The following CNTN5 variants were observed in gnomAD, a reference collection of about 807,000 sequenced individuals.
CNTN5 encodes contactin-5.
CNTN5 carries 77 observed loss-of-function variants against 129.1 expected under a neutral mutation model. The observed-to-expected ratio is 0.60, with a 90% CI of 0.50 to 0.72. The LOEUF (loss-of-function observed/expected upper bound fraction) is 0.72, where lower values mean the gene tolerates loss of function less well. CNTN5 is among the 30% of genes least tolerant of loss of function. The pLI, the probability that CNTN5 is intolerant of heterozygous loss-of-function variation, is 0.00. For missense variants in CNTN5, 1,478 were observed against 1,328.8 expected, an observed-to-expected ratio of 1.11 and a Z score of -1.75; for synonymous variants, 509 against 465.6, an observed-to-expected ratio of 1.09 and a Z score of -1.20.
At chr11:99,514,538 A>G (rs935033806) in intron 2 of CNTN5, among the ~76,000 whole-genome samples, 5 of 152,048 alleles carry the variant, frequency 3.3e-5, no homozygotes, top group African/African-American at 1.2e-4. Context: ...AGCCATCTCA[A>G]CCTTCAGAAC....
intron 3 of CNTN5, among the ~76,000 whole-genome samples, chr11:99,631,374 T>C (rs949110503): frequency 1.3e-5 from 2 of 152,088 alleles, no homozygotes; most frequent in Non-Finnish European, 2.9e-5. Flanking sequence ...ATTAGTAAAA[T>C]ACAGAGTGCA....
At chr11:99,694,287 T>C (rs1954165780) in intron 3 of CNTN5, among the ~76,000 whole-genome samples, 1 of 152,136 alleles carries the variant, frequency 6.6e-6, no homozygotes, top group Admixed American at 6.5e-5. Flanking sequence ...GAGTAGGCAT[T>C]GGAACTCAGC....
chr11:99,912,562 A>G (rs1202794951), intron 6 of CNTN5, among the ~76,000 whole-genome samples: 1 of 151,752 alleles, frequency 6.6e-6, no homozygotes, highest in Non-Finnish European at 1.5e-5. Flanking sequence ...ACATCTGATC[A>G]ATATGGCTCA....
At chr11:100,031,496 A>G (rs1591087466) in intron 9 of CNTN5, among the ~76,000 whole-genome samples, 1 of 152,180 alleles carries the variant, frequency 6.6e-6, no homozygotes, top group Non-Finnish European at 1.5e-5. Context: ...CCATACAGAT[A>G]AGATAGGGCT....
At chr11:100,206,085 C>A (rs1341434899) in intron 15 of CNTN5, among the ~76,000 whole-genome samples, 3 of 146,976 alleles carry the variant, frequency 2.0e-5, no homozygotes, top group African/African-American at 7.3e-5. Context: ...AGAGATATGG[C>A]AATTGTAATG....
chr11:99,839,533 A>AT, intron 4 of CNTN5, among the ~76,000 whole-genome samples: 1 of 152,274 alleles, frequency 6.6e-6, no homozygotes, highest in Non-Finnish European at 1.5e-5. Context: ...TAACCTAAGG[A>AT]TTTTCCCTGT....
intron 1 of CNTN5, among the ~76,000 whole-genome samples, chr11:99,131,505 T>A (rs896512074): frequency 5.3e-5 from 8 of 150,242 alleles, no homozygotes; most frequent in Non-Finnish European, 3.0e-5. Flanking sequence ...AGACCACAAG[T>A]GAGAGTAATA....
chr11:100,293,373 A>G (rs1373917463), intron 18 of CNTN5, among the ~76,000 whole-genome samples: 1 of 151,770 alleles, frequency 6.6e-6, no homozygotes, highest in African/African-American at 2.4e-5. Context: ...TCCAGATTGA[A>G]ACAAACTATG....
At chr11:99,465,007 C>G (rs1379122497) in intron 2 of CNTN5, among the ~76,000 whole-genome samples, 1 of 152,010 alleles carries the variant, frequency 6.6e-6, no homozygotes, top group East Asian at 1.9e-4. Flanking sequence ...GCAAGATAAC[C>G]AAATATTCTG....
intron 3 of CNTN5, among the ~76,000 whole-genome samples, chr11:99,624,200 C>T (rs1218615070): frequency 3.9e-5 from 6 of 151,966 alleles, no homozygotes; most frequent in Middle Eastern, 3.4e-3. Context: ...ACCTATTTCT[C>T]GGTGCCCTTC....
At chr11:100,113,453 A>AAAAAAAAAAAAAAAAAAAAAAAAAAG (rs1945727574) in intron 13 of CNTN5, among the ~76,000 whole-genome samples, 1 of 71,530 alleles carries the variant, frequency 1.4e-5, no homozygotes, top group African/African-American at 5.7e-5. Flanking sequence ...AAAAAAAAAA[A>AAAAAAAAAAAAAAAAAAAAAAAAAAG]CAAGAAAGAA....
intron 1 of CNTN5, among the ~76,000 whole-genome samples, chr11:99,214,594 T>C (rs531980901): frequency 1.3e-5 from 2 of 152,042 alleles, no homozygotes; most frequent in East Asian, 1.9e-4. Flanking sequence ...ACCAGAAGAA[T>C]AAGGCCCAAT....
At chr11:99,885,305 GAAAGA>G (rs1183688536) in intron 6 of CNTN5, among the ~76,000 whole-genome samples, 2 of 151,810 alleles carry the variant, frequency 1.3e-5, no homozygotes, top group Non-Finnish European at 2.9e-5. Context: ...GAAAAAGAAA[GAAAGA>G]AAAGAGAGAA....
rs187246602 is a variant in CNTN5, at chr11:99,247,910, C to G, written c.-209-77436C>G. ...AAGTCTTTGCTATTGTGAATAGTGC[C>G]GCAATAAACATATGTGTGCAAGTGT... On this transcript the variant is annotated intron_variant, in intron 1 of 24. Coordinates refer to ENST00000524871, the MANE Select transcript of CNTN5 (RefSeq NM_014361.4). Among the ~76,000 whole-genome samples the G allele has an allele frequency of 9.2e-5, 14 of 152,108 alleles. No homozygotes were observed. The East Asian group carries it at 2.7e-3, about 29-fold the overall frequency.
At chr11:100,040,672 A>T (rs527405886) in intron 9 of CNTN5, among the ~76,000 whole-genome samples, 6 of 152,048 alleles carry the variant, frequency 3.9e-5, no homozygotes, top group Non-Finnish European at 8.8e-5. Context: ...TAACTCATCA[A>T]TGGTGGGCGC....
At chr11:99,155,958 T>C (rs1437821543) in intron 1 of CNTN5, among the ~76,000 whole-genome samples, 1 of 152,018 alleles carries the variant, frequency 6.6e-6, no homozygotes, top group Non-Finnish European at 1.5e-5. Context: ...TAATTAATAA[T>C]ACAAGCGAGG....
intron 1 of CNTN5, among the ~76,000 whole-genome samples, chr11:99,080,296 A>G (rs1865737558): frequency 6.6e-6 from 1 of 152,246 alleles, no homozygotes; most frequent in African/African-American, 2.4e-5. Flanking sequence ...TGATAATGAC[A>G]GGAATCTGAA....
chr11:99,093,801 A>T (rs747355660), intron 1 of CNTN5, among the ~76,000 whole-genome samples: 23 of 151,976 alleles, frequency 1.5e-4, no homozygotes, highest in Non-Finnish European at 2.9e-4. Flanking sequence ...AGGGAAATGC[A>T]GGTCAGGGCA....
At chr11:99,864,878 G>A (rs949025354) in intron 6 of CNTN5, among the ~76,000 whole-genome samples, 3 of 152,060 alleles carry the variant, frequency 2.0e-5, no homozygotes, top group African/African-American at 7.2e-5. Flanking sequence ...CACGATTACT[G>A]TTTGTTTCCA....
Sources: gnomAD v4.1 joint callset for allele counts (sites outside exome capture counted in the v4.1 genomes callset) on GRCh38, gnomAD v4.1.1 for gene constraint, MANE v1.5 for transcripts, NCBI Gene and HGNC (gene_info 2026-07-23, HGNC 2026-07-21) for gene names.